The following SPATA6L variants were observed in gnomAD, a reference collection of about 807,000 sequenced individuals.
The protein encoded by SPATA6L is spermatogenesis associated 6-like protein.
A neutral mutation model predicts 49.2 loss-of-function variants in SPATA6L; 68 were observed. The ratio of observed to expected loss-of-function variants is 1.38; its 90% confidence interval spans 1.14 to 1.69. The LOEUF is 1.69. SPATA6L is among the 40% of genes most tolerant of loss of function. SPATA6L has a pLI of 0.00. For synonymous variants in SPATA6L, 198 were observed against 165.7 expected (o/e 1.19, Z -1.50); for missense variants, 668 against 464.3 (o/e 1.44, Z -4.03).
intron 4 of SPATA6L, among the ~76,000 whole-genome samples, chr9:4,634,009 A>G (rs781616853): frequency 6.6e-6 from 1 of 152,258 alleles, no homozygotes; most frequent in Non-Finnish European, 1.5e-5. Context: ...TTTATAAATA[A>G]CTATAAATAC....
downstream of SPATA6L, among the ~76,000 whole-genome samples, chr9:4,594,240 C>T (rs186693542): frequency 3.3e-5 from 5 of 152,130 alleles, no homozygotes; most frequent in African/African-American, 9.7e-5. Flanking sequence ...TTCGGAGTCT[C>T]GCTCTGTCAC....
rs149602504 is a variant in SPATA6L at position 4,622,472 on chromosome 9, C to T, written c.708G>A (p.Glu236=). ...SAKPFGENIS[E]HHLRRSRRKS... Reference sequence around the variant, plus strand: ...TTCTTCTAGACCTCCTCAAATGATGCTCTGAAATATTCTCACCAAAGGGCT... The same window carrying T: ...TTCTTCTAGACCTCCTCAAATGATGTTCTGAAATATTCTCACCAAAGGGCT... The change falls in exon 7 of 12, where the codon GAG becomes GAA. Residue 236 remains glutamate, a synonymous_variant. Coordinates refer to ENST00000682582, the MANE Select transcript of SPATA6L (RefSeq NM_001353486.2). 16 of 1,613,560 alleles carry T rather than the reference C, an allele frequency of 9.9e-6. No homozygotes were observed. Among genetic ancestry groups the T allele is most frequent in the African/African-American group, 1.3e-5 (1 of 74,914 alleles).
At chr9:4,644,501 T>C (rs1187650165) in intron 3 of SPATA6L, among the ~76,000 whole-genome samples, 1 of 152,044 alleles carries the variant, frequency 6.6e-6, no homozygotes, top group African/African-American at 2.4e-5. Context: ...TCAAGAAATA[T>C]GTTCATCAAA....
At chr9:4,621,729 C>A (rs1002836888) in intron 7 of SPATA6L, among the ~76,000 whole-genome samples, 1 of 152,234 alleles carries the variant, frequency 6.6e-6, no homozygotes, top group Admixed American at 6.5e-5. Context: ...CTCAGGTGAT[C>A]TGCCTGCCTC....
chr9:4,616,765 A>C (rs1438274841), intron 9 of SPATA6L, among the ~76,000 whole-genome samples: 1 of 152,120 alleles, frequency 6.6e-6, no homozygotes, highest in Non-Finnish European at 1.5e-5. Context: ...TTGTATTTTT[A>C]GTAGAGACAG....
chr9:4,605,176 T>C (rs752872689), intron 10 of SPATA6L, among the ~76,000 whole-genome samples, 171 bp downstream of exon 10: 2 of 152,302 alleles, frequency 1.3e-5, no homozygotes, highest in Non-Finnish European at 1.5e-5. Flanking sequence ...CCATGTCAAA[T>C]ACCCGCTACC....
rs574029197 is a variant in SPATA6L, at chr9:4,609,561, T to C, written c.996-4121A>G. Reference sequence around the variant, plus strand: ...GACAAAAACCACATGATTATCTCAATAGATGCAGAAAAGGCCTTTGACAAA... The same window carrying C: ...GACAAAAACCACATGATTATCTCAACAGATGCAGAAAAGGCCTTTGACAAA... On this transcript the variant is annotated intron_variant, in intron 9 of 11. Coordinates refer to ENST00000682582, the MANE Select transcript of SPATA6L (RefSeq NM_001353486.2). Among the ~76,000 whole-genome samples the C allele has an allele frequency of 9.6e-3, 1,464 of 152,024 alleles. 16 individuals are homozygous for C. Among genetic ancestry groups the C allele is most frequent in the African/African-American group, 0.034 (1,391 of 41,314 alleles).
intron 9 of SPATA6L, among the ~76,000 whole-genome samples, chr9:4,610,558 A>C (rs929954049): frequency 8.8e-4 from 130 of 147,890 alleles, no homozygotes; most frequent in African/African-American, 3.1e-3. Context: ...AGGATTCCCT[A>C]TTTAATAAAT....
intron 11 of SPATA6L, among the ~76,000 whole-genome samples, chr9:4,602,072 C>T (rs562887543): frequency 2.0e-5 from 3 of 152,082 alleles, no homozygotes; most frequent in Admixed American, 1.3e-4. Flanking sequence ...GTATTCTAAG[C>T]GTATGCCAAA....
chr9:4,619,221 A>G (rs548890034), intron 7 of SPATA6L, among the ~76,000 whole-genome samples: 33 of 146,862 alleles, frequency 2.2e-4, no homozygotes, highest in African/African-American at 8.5e-4. Flanking sequence ...GCAATGGCAC[A>G]ATCTCGGCTC....
At chr9:4,616,937 C>T (rs978169491) in intron 9 of SPATA6L, among the ~76,000 whole-genome samples, 2 of 152,172 alleles carry the variant, frequency 1.3e-5, no homozygotes, top group Middle Eastern at 3.2e-3. Flanking sequence ...AATAAAGTAA[C>T]TAATCAAAAG....
intron 9 of SPATA6L, among the ~76,000 whole-genome samples, chr9:4,614,461 G>T (rs16921609): frequency 1.3e-5 from 2 of 152,160 alleles, no homozygotes; most frequent in African/African-American, 4.8e-5. Flanking sequence ...GGTATGAAAA[G>T]AACACTGAGT....
chr9:4,629,080 A>ATTACAAGAT lies in SPATA6L; in HGVS notation c.429+10_429+11insATCTTGTAA. The ATTACAAGAT allele has an allele frequency of 2.5e-6, 4 of 1,574,152 alleles. No homozygotes were observed. Among genetic ancestry groups the ATTACAAGAT allele is most frequent in the Non-Finnish European group, 3.5e-6 (4 of 1,150,456 alleles). ...CGGTCATTTCTATCACTAGATTTGT[A>ATTACAAGAT]TTGTACTTACAAGAAATCTGTTTCT... On this transcript the variant is annotated intron_variant, in intron 5 of 11. Coordinates refer to ENST00000682582, the MANE Select transcript of SPATA6L (RefSeq NM_001353486.2).
chr9:4,657,359 C>A (rs538929825), intron 2 of SPATA6L, among the ~76,000 whole-genome samples: 1 of 151,904 alleles, frequency 6.6e-6, no homozygotes, highest in Non-Finnish European at 1.5e-5. Flanking sequence ...TGTGTCCCCC[C>A]AAAAATTCAT....
chr9:4,651,618 G>T (rs1248223164), intron 3 of SPATA6L, among the ~76,000 whole-genome samples: 1 of 152,022 alleles, frequency 6.6e-6, no homozygotes, highest in Admixed American at 6.5e-5. Context: ...ACCAAATCCA[G>T]CAACATATAG....
In SPATA6L at chr9:4,662,326, AAGCC is replaced by A; in HGVS notation, c.40-294_40-291del. 3 of 1,447,754 alleles carry A rather than the reference AAGCC, an allele frequency of 2.1e-6. No homozygotes were observed. The highest frequency in any genetic ancestry group is 2.7e-6 in the Non-Finnish European group (3 of 1,106,316). The allele number at this position is 1,447,754 out of a possible 1,614,324, so 89.7% of individuals were successfully genotyped here. On this transcript the variant is annotated intron_variant, in intron 1 of 11. Transcript: ENST00000682582. The surrounding 1 kb of genome is among the most constrained non-coding windows in gnomAD (Gnocchi z 4.9). ...AAGCGGAAGAGGCTGCAGGGCCGGG[AAGCC>A]TCTGTTTGGTCCGGCCAGGTCCCGG...
intron 3 of SPATA6L, among the ~76,000 whole-genome samples, chr9:4,649,452 T>A (rs138484404): frequency 2.4e-4 from 36 of 152,360 alleles, no homozygotes; most frequent in East Asian, 2.3e-3. Flanking sequence ...TTAATTCTCA[T>A]CATAACTCTA....
chr9:4,626,565 G>A (rs1187086698), intron 5 of SPATA6L: 1 of 1,301,590 alleles, frequency 7.7e-7, no homozygotes, highest in Admixed American at 2.3e-5. Flanking sequence ...CCTAGGGGTG[G>A]AAGCTGCTTC....
At chr9:4,649,965 C>T (rs1244757519) in intron 3 of SPATA6L, among the ~76,000 whole-genome samples, 1 of 152,192 alleles carries the variant, frequency 6.6e-6, no homozygotes, top group East Asian at 1.9e-4. Context: ...GTTTCACCTT[C>T]CTGCTTTTTA....
Sources: allele counts gnomAD v4.1 joint callset (sites outside exome capture counted in the v4.1 genomes callset), GRCh38; gene constraint gnomAD v4.1.1; non-coding constraint Gnocchi (gnomAD v3.1); transcripts MANE v1.5; gene names NCBI Gene and HGNC (gene_info 2026-07-23, HGNC 2026-07-21).